Variants in STAT4 observed in about 807,000 individuals in gnomAD.
STAT4 encodes signal transducer and activator of transcription 4.
In STAT4, 42 loss-of-function variants were observed where a neutral mutation model predicts 110.5. That is an observed-to-expected ratio of 0.38 (90% CI 0.30 to 0.49). The LOEUF (loss-of-function observed/expected upper bound fraction) is 0.49, where lower values mean the gene tolerates loss of function less well. Ranked by LOEUF, STAT4 falls within the 20% of genes least tolerant of loss-of-function variation. The pLI, the probability that STAT4 is intolerant of heterozygous loss-of-function variation, is 0.95. For missense variants in STAT4, 632 were observed against 887.9 expected, an observed-to-expected ratio of 0.71 and a Z score of 3.66; for synonymous variants, 284 against 302.2, an observed-to-expected ratio of 0.94 and a Z score of 0.63.
rs575223075 is a variant in STAT4, at chr2:191,035,941, C to T, written c.1570+223G>A. 3.9e-5 allele frequency among the ~76,000 whole-genome samples: 6 copies of T among 152,274 alleles called. No homozygotes were observed. The highest frequency in any genetic ancestry group is 3.9e-4 in the Admixed American group (6 of 15,290). On this transcript the variant is annotated intron_variant, in intron 17 of 23. Coordinates refer to ENST00000392320, the MANE Select transcript of STAT4 (RefSeq NM_003151.4). The surrounding 1 kb of genome is among the most constrained non-coding windows in gnomAD (Gnocchi z 4.7). ...GGCAAGTCACTTGACTTCTGCACTC[C>T]AATCCAGTCATTTATAAAATTGGTA...
chr2:191,080,883 G>T (rs1374661430), intron 3 of STAT4, among the ~76,000 whole-genome samples: 1 of 151,842 alleles, frequency 6.6e-6, no homozygotes, highest in Non-Finnish European at 1.5e-5. Context: ...TTAAGTTCTG[G>T]GATACATGTG....
rs1384125440 is a variant in STAT4, at chr2:191,046,961, C to G, written c.1252-5813G>C. 1.3e-5 allele frequency among the ~76,000 whole-genome samples: 2 copies of G among 152,100 alleles called. No individual in the cohort carries two copies. The highest frequency in any genetic ancestry group is 1.3e-4 in the Admixed American group (2 of 15,266). ...GATGAGAGTTGGTTGCTAGGGGAACCAATCATGTGATTAGGAGTTGGAACT... is the reference window on the plus strand; with the variant it reads ...GATGAGAGTTGGTTGCTAGGGGAACGAATCATGTGATTAGGAGTTGGAACT... On this transcript the variant is annotated intron_variant, in intron 14 of 23. Coordinates refer to ENST00000392320, the MANE Select transcript of STAT4 (RefSeq NM_003151.4). This position sits in a 1 kb window ranked among gnomAD's most constrained non-coding sequence, Gnocchi z 4.6.
chr2:191,105,814 C>A (rs1458948378), intron 3 of STAT4, among the ~76,000 whole-genome samples: 1 of 152,242 alleles, frequency 6.6e-6, no homozygotes, highest in African/African-American at 2.4e-5. Flanking sequence ...GAAGTCATTT[C>A]TCTGTCATGG....
intron 14 of STAT4, among the ~76,000 whole-genome samples, chr2:191,049,376 C>T (rs1216206213): frequency 1.3e-5 from 2 of 152,026 alleles, no homozygotes; most frequent in Admixed American, 6.6e-5. Context: ...CGGGGTTTCA[C>T]TGTGTTAGCC....
intron 3 of STAT4, among the ~76,000 whole-genome samples, chr2:191,136,515 G>A (rs1699184227): frequency 6.6e-6 from 1 of 152,196 alleles, no homozygotes; most frequent in Non-Finnish European, 1.5e-5. Flanking sequence ...ACCTTGGGAG[G>A]CCAAGACCGG....
chr2:191,116,305 T>A lies in STAT4; in HGVS notation c.273+30308A>T, dbSNP rs550033032. Among the ~76,000 whole-genome samples, 1 of 152,302 alleles carries A rather than the reference T, an allele frequency of 6.6e-6. No individual in the cohort carries two copies. The highest frequency in any genetic ancestry group is 1.9e-4 in the East Asian group (1 of 5,190). On this transcript the variant is annotated intron_variant, in intron 3 of 23. Coordinates refer to ENST00000392320, the MANE Select transcript of STAT4 (RefSeq NM_003151.4). This position sits in a 1 kb window ranked among gnomAD's most constrained non-coding sequence, Gnocchi z 4.1. ...TCTGCAGAATCATATCACCTGTACA[T>A]TTCATCCTAAATTAATGCCCTTGTC...
chr2:191,080,236 A>G (rs1353981447), intron 3 of STAT4, among the ~76,000 whole-genome samples: 2 of 151,604 alleles, frequency 1.3e-5, no homozygotes, highest in Non-Finnish European at 2.9e-5. Flanking sequence ...TATTGGTAAA[A>G]CTCTTGATTT....
Position 191,111,732 on chromosome 2 carries a change from C to G in STAT4, c.273+34881G>C, listed in dbSNP as rs557479750. Among the ~76,000 whole-genome samples, 7 of 152,228 alleles carry G rather than the reference C, an allele frequency of 4.6e-5. No homozygotes were observed. In the South Asian group the frequency reaches 1.2e-3, roughly 27 times the overall value. On this transcript the variant is annotated intron_variant, in intron 3 of 23. Transcript: ENST00000392320. ...AAAAAATTAACCAGGAATGGTGGTG[C>G]TCGCCTGTAGTGCCAGCTCTCAAGA...
chr2:191,122,519 T>C (rs1405145766), intron 3 of STAT4, among the ~76,000 whole-genome samples: 2 of 152,156 alleles, frequency 1.3e-5, no homozygotes, highest in East Asian at 3.8e-4. Flanking sequence ...TCAAAAGAAA[T>C]GAGTGCTTAT....
chr2:191,151,472 C>T (rs184318948), upstream of STAT4: 3 of 985,530 alleles, frequency 3.0e-6, no homozygotes, highest in East Asian at 1.1e-4. This position sits in a 1 kb window ranked among gnomAD's most constrained non-coding sequence, Gnocchi z 4.7. Flanking sequence ...CCAATTCCAG[C>T]GGGGTCCGCT....
rs536105942 is a variant in STAT4, at chr2:191,071,930, ATAACATGCACCAAAGGT to A, written c.465+1151_465+1167del. 5.9e-5 allele frequency among the ~76,000 whole-genome samples: 9 copies of A among 152,300 alleles called. No homozygotes were observed. In the South Asian group the frequency reaches 1.9e-3, roughly 32 times the overall value. On this transcript the variant is annotated intron_variant, in intron 5 of 23. Transcript: ENST00000392320. ...ACTTTGGTTTGAGAAACCCAGGAGC[ATAACATGCACCAAAGGT>A]TAACCCCAACTTGAGGCAAGATGTC... is the stretch of plus-strand genomic sequence containing the variant.
intron 14 of STAT4, among the ~76,000 whole-genome samples, chr2:191,049,063 G>A (rs563324405): frequency 6.6e-6 from 1 of 150,702 alleles, no homozygotes; most frequent in East Asian, 1.9e-4. Context: ...AATACAATCC[G>A]ATGAAAGGTA....
Position 191,083,431 on chromosome 2 carries a change from T to C in STAT4, c.274-7106A>G, listed in dbSNP as rs2125289516. Among the ~76,000 whole-genome samples, 1 of 152,316 alleles carries C rather than the reference T, an allele frequency of 6.6e-6. No individual in the cohort carries two copies. Among genetic ancestry groups the C allele is most frequent in the East Asian group, 1.9e-4 (1 of 5,192 alleles). On this transcript the variant is annotated intron_variant, in intron 3 of 23. Coordinates refer to ENST00000392320, the MANE Select transcript of STAT4 (RefSeq NM_003151.4). This position sits in a 1 kb window ranked among gnomAD's most constrained non-coding sequence, Gnocchi z 4.6. ...ACTGGCCGTTGGATTTCTACTTGAC[T>C]AAACTAAAATGATAAGGCCAAGAAG...
intron 3 of STAT4, among the ~76,000 whole-genome samples, chr2:191,124,618 C>T (rs947832393): frequency 2.0e-5 from 3 of 152,122 alleles, no homozygotes; most frequent in Non-Finnish European, 4.4e-5. Flanking sequence ...ATTATAATAA[C>T]TTCCTACTGT....
intron 3 of STAT4, among the ~76,000 whole-genome samples, chr2:191,124,669 C>T (rs1559077977): frequency 6.6e-6 from 1 of 152,090 alleles, no homozygotes; most frequent in Admixed American, 6.6e-5. Flanking sequence ...GTTGTCCCAC[C>T]TCCCTCCCTA....
Position 191,029,911 on chromosome 2 carries a change from T to G in STAT4, c.2221-45A>C. On this transcript the variant is annotated intron_variant, in intron 23 of 23. Transcript: ENST00000392320. This position sits in a 1 kb window ranked among gnomAD's most constrained non-coding sequence, Gnocchi z 4.5. ...TAATCTTTGAGGAAACTACTGGTTTTCAAATCAATCACTATTTCTTGGGCA... is the reference window on the plus strand; with the variant it reads ...TAATCTTTGAGGAAACTACTGGTTTGCAAATCAATCACTATTTCTTGGGCA... 7.0e-7 allele frequency: 1 copy of G among 1,433,510 alleles called. No homozygotes were observed. The highest frequency in any genetic ancestry group is 1.2e-5 in the South Asian group (1 of 81,962). The allele number at this position is 1,433,510 out of a possible 1,614,324, so 88.8% of individuals were successfully genotyped here.
In STAT4 at chr2:191,146,487, G is replaced by C; in HGVS notation, c.273+126C>G. On this transcript the variant is annotated intron_variant, in intron 3 of 23. Transcript: ENST00000392320. This position sits in a 1 kb window ranked among gnomAD's most constrained non-coding sequence, Gnocchi z 4.5. ...ATAAAATTGAGCACAAAATTTGTAA[G>C]TGGTAAGACAACTCAATTTTCCCCT... 1.1e-5 allele frequency: 10 copies of C among 887,360 alleles called. No individual in the cohort carries two copies. The highest frequency in any genetic ancestry group is 1.5e-5 in the Non-Finnish European group (10 of 659,974). 55.0% of individuals were successfully genotyped at this position (887,360 alleles called of 1,614,324 possible).
rs1192742037 is a variant in STAT4 at position 191,046,602 on chromosome 2, T to C, written c.1252-5454A>G. The stretch of plus-strand genomic sequence containing the variant: ...ACATTGCCTTAACCCCACAGAAGAC[T>C]TTCTTTGTAGGGAGGACTGCAGCTG... On this transcript the variant is annotated intron_variant, in intron 14 of 23. Transcript: ENST00000392320. This position sits in a 1 kb window ranked among gnomAD's most constrained non-coding sequence, Gnocchi z 4.6. 6.6e-6 allele frequency among the ~76,000 whole-genome samples: 1 copy of C among 152,190 alleles called. No homozygotes were observed.
chr2:191,092,771 C>T (rs114895188), intron 3 of STAT4, among the ~76,000 whole-genome samples: 97 of 152,254 alleles, frequency 6.4e-4, no homozygotes, highest in Admixed American at 1.9e-3. Flanking sequence ...TGCGAAGGGT[C>T]GGGGGATTTC....
Sources: allele counts gnomAD v4.1 joint callset (sites outside exome capture counted in the v4.1 genomes callset), GRCh38; gene constraint gnomAD v4.1.1; non-coding constraint Gnocchi (gnomAD v3.1); transcripts MANE v1.5; gene names NCBI Gene and HGNC (gene_info 2026-07-23, HGNC 2026-07-21).